Variants in OR56A1 observed in about 807,000 individuals in gnomAD.
The protein encoded by OR56A1 is olfactory receptor 56A1.
For missense variants in OR56A1, 360 were observed against 380.9 expected (o/e 0.94, Z 0.46); for synonymous variants, 174 against 159.1 (o/e 1.09, Z -0.70).
chr11:6,026,482 C>T lies in OR56A1; in HGVS notation c.*266G>A, dbSNP rs2133604226. The stretch of plus-strand genomic sequence containing the variant: ...TTTCTACTATGTGAAATGAAAGTAA[C>T]AATGCCTGCAGAGATGTGTTGAAGA... On this transcript the variant is annotated 3_prime_UTR_variant, in exon 2 of 2. Coordinates refer to ENST00000641900, the MANE Select transcript of OR56A1 (RefSeq NM_001388488.1). 3 of 368,568 alleles carry T rather than the reference C, an allele frequency of 8.1e-6. No individual in the cohort carries two copies. The South Asian group carries it at 2.2e-4, about 28-fold the overall frequency. The allele number at this position is 368,568 out of a possible 1,614,324, so 22.8% of individuals were successfully genotyped here.
In OR56A1 at chr11:6,021,709, C is replaced by T. The variant is rs1247772690; in HGVS notation, c.*5039G>A. 1 of 151,490 alleles carries T rather than the reference C, an allele frequency of 6.6e-6. No homozygotes were observed. Among genetic ancestry groups the T allele is most frequent in the East Asian group, 1.9e-4 (1 of 5,172 alleles). The allele number at this position is 151,490 out of a possible 1,614,324, so 9.4% of individuals were successfully genotyped here. A position where few individuals can be genotyped will look rare whatever the true frequency, so the allele number is the denominator to read the frequency against. On this transcript the variant is annotated 3_prime_UTR_variant, in exon 2 of 2. Transcript: ENST00000641900. ...TGGGAACATTAATAAAGGCACAAAC[C>T]CCCAAAGGCAGATGGCATTAAAAAA... is the stretch of plus-strand genomic sequence containing the variant.
chr11:6,027,890 T>C (rs1590488677), intron 1 of OR56A1, 164 bp from the exon 2 acceptor site: 1 of 546,430 alleles, frequency 1.8e-6, no homozygotes, highest in East Asian at 2.8e-5. Flanking sequence ...TGATAAATAA[T>C]GGTGTGGTCT....
rs1229722828 is a variant in OR56A1 at position 6,023,301 on chromosome 11, C to A, written c.*3447G>T. On this transcript the variant is annotated 3_prime_UTR_variant, in exon 2 of 2. Coordinates refer to ENST00000641900, the MANE Select transcript of OR56A1 (RefSeq NM_001388488.1). The stretch of plus-strand genomic sequence containing the variant: ...AACTCTCACTGCCTAGAATATACAC[C>A]AAAGCATAATAAAGTATCAGGATGG... The A allele has an allele frequency of 6.6e-6, 1 of 152,152 alleles. No individual in the cohort carries two copies. The highest frequency in any genetic ancestry group is 1.5e-5 in the Non-Finnish European group (1 of 68,030). 9.4% of individuals were successfully genotyped at this position (152,152 alleles called of 1,614,324 possible). A position where few individuals can be genotyped will look rare whatever the true frequency, so the allele number is the denominator to read the frequency against.
intron 1 of OR56A1, among the ~76,000 whole-genome samples, chr11:6,029,627 C>T (rs1445611777): frequency 2.0e-5 from 3 of 152,078 alleles, no homozygotes; most frequent in Non-Finnish European, 4.4e-5. Flanking sequence ...CCTTGAAACA[C>T]TCTCTTTGGC....
At chr11:6,034,112 A>G (rs1848536949), upstream of OR56A1, among the ~76,000 whole-genome samples, 1 of 152,150 alleles carries the variant, frequency 6.6e-6, no homozygotes, top group Non-Finnish European at 1.5e-5. Flanking sequence ...AAGAAATACA[A>G]TCTACGAGGC....
At chr11:6,033,603 A>G (rs535008885), upstream of OR56A1, among the ~76,000 whole-genome samples, 4 of 151,840 alleles carry the variant, frequency 2.6e-5, no homozygotes, top group African/African-American at 9.6e-5. Context: ...AGACACAGTC[A>G]TATAGTCACA....
upstream of OR56A1, among the ~76,000 whole-genome samples, chr11:6,033,122 G>C (rs1848528437): frequency 6.6e-6 from 1 of 152,016 alleles, no homozygotes; most frequent in South Asian, 2.1e-4. Context: ...TACTCATGAA[G>C]AGTCAAAGCT....
At chr11:6,030,790 A>G (rs1848504970), upstream of OR56A1, 2 of 152,092 alleles carry the variant, frequency 1.3e-5, no homozygotes, top group South Asian at 4.2e-4. Context: ...AAGTCCTCCT[A>G]TTTTATGTTT....
Position 6,026,769 on chromosome 11 carries a change from C to T in OR56A1, c.924G>A (p.Lys308=). 6.2e-7 allele frequency: 1 copy of T among 1,602,708 alleles called. No individual in the cohort carries two copies. Among genetic ancestry groups the T allele is most frequent in the Non-Finnish European group, 8.5e-7 (1 of 1,173,482 alleles). The stretch of plus-strand genomic sequence containing the variant: ...ATATTCACCTCCCTCTCTGCAGTAA[C>T]TTCTGAATTCCCTGTTTTATCTCTT... The part of the protein sequence containing the change: ...RTKEIKQGIQ[K]LLQRGR Residue 308 remains lysine (K), a synonymous_variant, in exon 2 of 2, where the codon AAG becomes AAA. Transcript: ENST00000641900.
Position 6,024,014 on chromosome 11 carries a change from G to T in OR56A1, c.*2734C>A, listed in dbSNP as rs963599413. On this transcript the variant is annotated 3_prime_UTR_variant, in exon 2 of 2. Transcript: ENST00000641900. ...CTTGACAATTTTGTGAGAAATCTGT[G>T]GTCCTCTAAACCTCTATACTTAGAA... 1.3e-5 allele frequency: 2 copies of T among 152,094 alleles called. No homozygotes were observed. The highest frequency in any genetic ancestry group is 4.8e-5 in the African/African-American group (2 of 41,396). 9.4% of individuals were successfully genotyped at this position (152,094 alleles called of 1,614,324 possible).
Position 6,027,044 on chromosome 11 carries a change from T to G in OR56A1, c.649A>C (p.Ile217Leu). 3 of 1,614,178 alleles carry G rather than the reference T, an allele frequency of 1.9e-6. No individual in the cohort carries two copies. The highest frequency in any genetic ancestry group is 2.7e-5 in the African/African-American group (2 of 75,046). ...AGAATGAAGGTGTAAGAGAGGAAGATGAGGAATAAATCTGAGCCCAGCAAG... is the reference window on the plus strand; with the variant it reads ...AGAATGAAGGTGTAAGAGAGGAAGAGGAGGAATAAATCTGAGCCCAGCAAG... ...WTLLGSDLFLIFLSYTFILRA... is the reference protein window; with the variant it reads ...WTLLGSDLFLLFLSYTFILRA... The change falls in exon 2 of 2, where the codon ATC becomes CTC. Residue 217 changes from isoleucine (I) to leucine (L), a missense_variant. By Grantham distance (5) the Ile-to-Leu change is conservative. Transcript: ENST00000641900.
At chr11:6,033,616 A>G (rs180884331), upstream of OR56A1, among the ~76,000 whole-genome samples, 60 of 151,804 alleles carry the variant, frequency 4.0e-4, no homozygotes, top group African/African-American at 1.4e-3. Context: ...TAGTCACAGG[A>G]TGATAAGAGG....
chr11:6,029,308 T>G (rs569585492), intron 1 of OR56A1, among the ~76,000 whole-genome samples: 2 of 152,330 alleles, frequency 1.3e-5, no homozygotes, highest in African/African-American at 4.8e-5. Flanking sequence ...GACTTATAAA[T>G]AATGTGTATA....
rs2133598104 is a variant in OR56A1 at position 6,022,431 on chromosome 11, G to A, written c.*4317C>T. The A allele has an allele frequency of 6.6e-6, 1 of 152,270 alleles. No homozygotes were observed. Among genetic ancestry groups the A allele is most frequent in the East Asian group, 1.9e-4 (1 of 5,180 alleles). 9.4% of individuals were successfully genotyped at this position (152,270 alleles called of 1,614,324 possible). On this transcript the variant is annotated 3_prime_UTR_variant, in exon 2 of 2. Coordinates refer to ENST00000641900, the MANE Select transcript of OR56A1 (RefSeq NM_001388488.1). ...GTAAATTTTATTGTGTTAGGCCACT[G>A]TGCTATCATTGTTACAGTAGCTAAC...
In OR56A1 at chr11:6,021,437, A is replaced by G. The variant is rs1189432746; in HGVS notation, c.*5311T>C. On this transcript the variant is annotated 3_prime_UTR_variant, in exon 2 of 2. Coordinates refer to ENST00000641900, the MANE Select transcript of OR56A1 (RefSeq NM_001388488.1). ...CACAAAGTAATGATAAATGTTTGAG[A>G]TGATGGATATGCTAATTACCCTGAT... 6.6e-6 allele frequency: 1 copy of G among 152,150 alleles called. No individual in the cohort carries two copies. The highest frequency in any genetic ancestry group is 2.4e-5 in the African/African-American group (1 of 41,458). 9.4% of individuals were successfully genotyped at this position (152,150 alleles called of 1,614,324 possible).
At chr11:6,028,850 G>A (rs1277257561) in intron 1 of OR56A1, among the ~76,000 whole-genome samples, 1 of 152,102 alleles carries the variant, frequency 6.6e-6, no homozygotes, top group Non-Finnish European at 1.5e-5. Context: ...GTTTATCACA[G>A]CACTATACAC....
rs1367092326 is a variant in OR56A1 at position 6,025,142 on chromosome 11, G to A, written c.*1606C>T. ...TGTTTCTCCACCCACCTGCACTAGGGGACTTGATTCTGACTCTAATTCCCT... is the reference window on the plus strand; with the variant it reads ...TGTTTCTCCACCCACCTGCACTAGGAGACTTGATTCTGACTCTAATTCCCT... On this transcript the variant is annotated 3_prime_UTR_variant, in exon 2 of 2. Transcript: ENST00000641900. 1 of 152,130 alleles carries A rather than the reference G, an allele frequency of 6.6e-6. No homozygotes were observed. The highest frequency in any genetic ancestry group is 1.5e-5 in the Non-Finnish European group (1 of 68,048). 9.4% of individuals were successfully genotyped at this position (152,130 alleles called of 1,614,324 possible). A position where few individuals can be genotyped will look rare whatever the true frequency, so the allele number is the denominator to read the frequency against.
intron 1 of OR56A1, among the ~76,000 whole-genome samples, chr11:6,028,595 T>C (rs1327792963): frequency 6.6e-6 from 1 of 152,156 alleles, no homozygotes; most frequent in Admixed American, 6.5e-5. Context: ...CATATTACCC[T>C]AGTCAGAATG....
At chr11:6,028,970 C>T (rs1420139819) in intron 1 of OR56A1, among the ~76,000 whole-genome samples, 2 of 152,074 alleles carry the variant, frequency 1.3e-5, no homozygotes, top group African/African-American at 4.8e-5. Flanking sequence ...AGAATGAAAT[C>T]ATGTCTTTTG....
Sources: gnomAD v4.1 joint callset for allele counts (sites outside exome capture counted in the v4.1 genomes callset) on GRCh38, gnomAD v4.1.1 for gene constraint, MANE v1.5 for transcripts, NCBI Gene and HGNC (gene_info 2026-07-23, HGNC 2026-07-21) for gene names.